CRIPT: variants seen among roughly 807,000 people sequenced by gnomAD.
CRIPT encodes CXXC repeat containing interactor of PDZ3 domain, also known as cysteine-rich PDZ-binding protein.
Under a neutral mutation model 16.6 loss-of-function variants are expected in CRIPT, and 20 were observed. That is an observed-to-expected ratio of 1.20 (90% CI 0.85 to 1.75). The LOEUF (loss-of-function observed/expected upper bound fraction) is 1.75. CRIPT is among the 40% of genes most tolerant of loss of function. CRIPT has a pLI of 0.00. For missense variants in CRIPT, 133 were observed against 115.3 expected, an observed-to-expected ratio of 1.15 and a Z score of -0.70; for synonymous variants, 42 against 37.0, an observed-to-expected ratio of 1.14 and a Z score of -0.49.
chr2:46,621,867 C>G (rs1670812913), intron 3 of CRIPT, among the ~76,000 whole-genome samples: 1 of 152,138 alleles, frequency 6.6e-6, no homozygotes, highest in Non-Finnish European at 1.5e-5. Context: ...TTTTTATTGA[C>G]TGAGCTATTA....
chr2:46,623,319 G>A (rs1670856037), intron 3 of CRIPT, among the ~76,000 whole-genome samples: 1 of 152,180 alleles, frequency 6.6e-6, no homozygotes, highest in South Asian at 2.1e-4. Flanking sequence ...GAGGTGTGGA[G>A]TTACTTTCCT....
At chr2:46,622,451 G>C (rs1385801975) in intron 3 of CRIPT, among the ~76,000 whole-genome samples, 2 of 152,052 alleles carry the variant, frequency 1.3e-5, no homozygotes, top group East Asian at 3.9e-4. Context: ...AATAGCCTCT[G>C]GAAATACATG....
At chr2:46,619,328 A>C (rs1015910696) in intron 2 of CRIPT, among the ~76,000 whole-genome samples, 2 of 152,062 alleles carry the variant, frequency 1.3e-5, no homozygotes, top group Admixed American at 6.5e-5. Context: ...CATTATATTC[A>C]AGGTCTATGA....
chr2:46,619,360 A>G (rs1256878743), intron 2 of CRIPT, among the ~76,000 whole-genome samples: 1 of 151,842 alleles, frequency 6.6e-6, no homozygotes, highest in East Asian at 1.9e-4. Context: ...TGGCTTCTAG[A>G]TTTTATGCTA....
rs1190479930 is a variant in CRIPT at position 46,617,272 on chromosome 2, C to G, written c.-11C>G. On this transcript the variant is annotated 5_prime_UTR_variant, in exon 1 of 5. Coordinates refer to ENST00000238892, the MANE Select transcript of CRIPT (RefSeq NM_014171.6). The stretch of plus-strand genomic sequence containing the variant: ...CTGCTGTTGCGGCTAGGGGAACCGT[C>G]GTGGGGAAGGATGGTGTGCGAAAAA... 6.4e-7 allele frequency: 1 copy of G among 1,554,582 alleles called. No individual in the cohort carries two copies. The highest frequency in any genetic ancestry group is 1.2e-5 in the South Asian group (1 of 84,378).
At position 46,624,227 on chromosome 2, in the gene CRIPT, G is replaced by A. The variant is rs1275414936; in HGVS notation, c.306G>A (p.Ter102=). 6.4e-7 allele frequency: 1 copy of A among 1,554,224 alleles called. No homozygotes were observed. The highest frequency in any genetic ancestry group is 8.7e-7 in the Non-Finnish European group (1 of 1,143,448). ...DTKNYKQTSV[*] Reference sequence around the variant, plus strand: ...AAAACTACAAGCAAACATCTGTCTAGATGTATTGATGGAATTTCTGGCTTT... The same window carrying A: ...AAAACTACAAGCAAACATCTGTCTAAATGTATTGATGGAATTTCTGGCTTT... Residue 102 remains the stop codon, a stop_retained_variant, in exon 5 of 5, where the codon TAG becomes TAA. Coordinates refer to ENST00000238892, the MANE Select transcript of CRIPT (RefSeq NM_014171.6).
intron 3 of CRIPT, among the ~76,000 whole-genome samples, chr2:46,621,990 T>G (rs1002416835): frequency 1.4e-4 from 22 of 152,238 alleles, no homozygotes; most frequent in African/African-American, 5.3e-4. Flanking sequence ...CTTTGGAAAA[T>G]GTACTACAGT....
rs1446343369 is a variant in CRIPT at position 46,617,267 on chromosome 2, A to G, written c.-16A>G. ...TGCTGCTGCTGTTGCGGCTAGGGGA[A>G]CCGTCGTGGGGAAGGATGGTGTGCG... On this transcript the variant is annotated 5_prime_UTR_variant, in exon 1 of 5. Transcript: ENST00000238892. 6.4e-7 allele frequency: 1 copy of G among 1,554,522 alleles called. No individual in the cohort carries two copies. The highest frequency in any genetic ancestry group is 1.2e-5 in the South Asian group (1 of 84,372).
intron 1 of CRIPT, 22 bp from the exon 2 acceptor site, chr2:46,618,750 CT>C: frequency 1.3e-6 from 2 of 1,512,096 alleles, no homozygotes; most frequent in Non-Finnish European, 1.8e-6. Flanking sequence ...TTTAATTTTC[CT>C]TTTACTATCT....
chr2:46,620,566 C>T (rs1490541686), intron 3 of CRIPT, among the ~76,000 whole-genome samples: 2 of 151,854 alleles, frequency 1.3e-5, no homozygotes, highest in African/African-American at 4.8e-5. Flanking sequence ...GTTCCTTTCC[C>T]TCCTTCAGCC....
rs1670881272 is a variant in CRIPT, at chr2:46,624,257, AT to A, written c.*31del. The A allele has an allele frequency of 6.8e-7, 1 of 1,471,790 alleles. No individual in the cohort carries two copies. Among genetic ancestry groups the A allele is most frequent in the African/African-American group, 1.4e-5 (1 of 71,212 alleles). The allele number at this position is 1,471,790 out of a possible 1,614,324, so 91.2% of individuals were successfully genotyped here. On this transcript the variant is annotated 3_prime_UTR_variant, in exon 5 of 5. Transcript: ENST00000238892. ...ATTGATGGAATTTCTGGCTTTCTAA[AT>A]GATTTTACTTTCTGCCTTGAATTTT...
chr2:46,619,657 A>C lies in CRIPT; in HGVS notation c.113A>C (p.Lys38Thr). 1 of 1,612,152 alleles carries C rather than the reference A, an allele frequency of 6.2e-7. No individual in the cohort carries two copies. The highest frequency in any genetic ancestry group is 8.5e-7 in the Non-Finnish European group (1 of 1,179,088). Residue 38 changes from lysine to threonine, a missense_variant, in exon 3 of 5, where the codon AAA becomes ACA. Lys to Thr is a moderately conservative substitution (Grantham distance 78). Coordinates refer to ENST00000238892, the MANE Select transcript of CRIPT (RefSeq NM_014171.6). The part of the protein sequence containing the change: ...ESGGRKLNEN[K>T]ALTSKKARFD... ...GGTGGAAGAAAGCTGAATGAAAATAAAGCTTTGACTTCAAAAAAAGCAAGG... is the reference window on the plus strand; with the variant it reads ...GGTGGAAGAAAGCTGAATGAAAATACAGCTTTGACTTCAAAAAAAGCAAGG...
chr2:46,623,677 A>G, intron 3 of CRIPT, 87 bp from the exon 4 acceptor site: 1 of 698,702 alleles, frequency 1.4e-6, no homozygotes. Context: ...GAGAGCATGG[A>G]TTAATCCTGT....
chr2:46,621,259 C>A (rs976768106), intron 3 of CRIPT, among the ~76,000 whole-genome samples: 4 of 152,196 alleles, frequency 2.6e-5, no homozygotes, highest in African/African-American at 9.6e-5. Flanking sequence ...ACCCCTCCCA[C>A]CTCTCCGGCT....
Position 46,617,290 on chromosome 2 carries a change from G to A in CRIPT, c.8G>A (p.Cys3Tyr), listed in dbSNP as rs757078301. The A allele has an allele frequency of 1.3e-6, 2 of 1,555,178 alleles. No individual in the cohort carries two copies. The highest frequency in any genetic ancestry group is 2.7e-5 in the African/African-American group (2 of 73,622). ...GAACCGTCGTGGGGAAGGATGGTGT[G>A]CGAAAAATGTGAGTTAAGGGGCCGC... is the stretch of plus-strand genomic sequence containing the variant. MVCEKCEKKLGTV... is the reference protein window; with the variant it reads MVYEKCEKKLGTV... Residue 3 changes from cysteine (C) to tyrosine (Y), a missense_variant, in exon 1 of 5, where the codon TGC (cysteine) becomes TAC (tyrosine). Cys to Tyr is a radical substitution (Grantham distance 194). Coordinates refer to ENST00000238892, the MANE Select transcript of CRIPT (RefSeq NM_014171.6).
chr2:46,629,786 T>A lies in CRIPT; in HGVS notation c.*5559T>A, dbSNP rs1427000204. ...TCCAGTGTATCGTTATTGTTTTTCC[T>A]TTTGCAATTAGTGGGTAATTTGTGA... On this transcript the variant is annotated 3_prime_UTR_variant, in exon 5 of 5. Coordinates refer to ENST00000238892, the MANE Select transcript of CRIPT (RefSeq NM_014171.6). Among the ~76,000 whole-genome samples the A allele has an allele frequency of 1.3e-5, 2 of 152,206 alleles. 1 individual carries two copies. The highest frequency in any genetic ancestry group is 4.8e-5 in the African/African-American group (2 of 41,444).
At position 46,627,264 on chromosome 2, in the gene CRIPT, G is replaced by C. The variant is rs2104181113; in HGVS notation, c.*3037G>C. On this transcript the variant is annotated 3_prime_UTR_variant, in exon 5 of 5. Coordinates refer to ENST00000238892, the MANE Select transcript of CRIPT (RefSeq NM_014171.6). ...AGGTTGTCTGTTTACTGTATTGATAGTTCCTTTTGCGGTGCAGAAGCTCTT... is the reference window on the plus strand; with the variant it reads ...AGGTTGTCTGTTTACTGTATTGATACTTCCTTTTGCGGTGCAGAAGCTCTT... 6.6e-6 allele frequency among the ~76,000 whole-genome samples: 1 copy of C among 152,268 alleles called. No individual in the cohort carries two copies. Among genetic ancestry groups the C allele is most frequent in the South Asian group, 2.1e-4 (1 of 4,826 alleles).
At chr2:46,618,351 C>T (rs866023199) in intron 1 of CRIPT, among the ~76,000 whole-genome samples, 1 of 152,018 alleles carries the variant, frequency 6.6e-6, no homozygotes, top group Non-Finnish European at 1.5e-5. Context: ...TCGCATATCT[C>T]TTAAGATCCA....
At chr2:46,619,806 C>A in intron 3 of CRIPT, 125 bp downstream of exon 3, 1 of 640,676 alleles carries the variant, frequency 1.6e-6, no homozygotes, top group South Asian at 2.2e-5. Context: ...TCCTAGCACT[C>A]AGAACCAAGC....
Sources: gnomAD v4.1 joint callset for allele counts (sites outside exome capture counted in the v4.1 genomes callset) on GRCh38, gnomAD v4.1.1 for gene constraint, MANE v1.5 for transcripts, NCBI Gene and HGNC (gene_info 2026-07-23, HGNC 2026-07-21) for gene names.